The following UBE2R2 variants were observed in gnomAD, a reference collection of about 807,000 sequenced individuals.
UBE2R2 encodes the protein ubiquitin conjugating enzyme E2 R2, also known as ubiquitin-conjugating enzyme E2 R2.
In UBE2R2, 1 loss-of-function variant was observed where a neutral mutation model predicts 27.8. The ratio of observed to expected loss-of-function variants is 0.04; its 90% confidence interval spans 0.01 to 0.17. UBE2R2 has a LOEUF of 0.17. UBE2R2 is among the 10% of genes least tolerant of loss of function. The pLI, the probability that UBE2R2 is intolerant of heterozygous loss-of-function variation, is 1.00. For missense variants in UBE2R2, 100 were observed against 291.0 expected (o/e 0.34, Z 4.78); for synonymous variants, 106 against 113.3 (o/e 0.94, Z 0.41).
At chr9:33,848,524 CTT>C (rs1263407332) in intron 1 of UBE2R2, among the ~76,000 whole-genome samples, 4 of 152,054 alleles carry the variant, frequency 2.6e-5, no homozygotes, top group African/African-American at 9.7e-5. Context: ...TTTCAAAAGA[CTT>C]AGTATATCAC....
chr9:33,827,529 T>G (rs1820341646), intron 1 of UBE2R2, among the ~76,000 whole-genome samples: 1 of 151,870 alleles, frequency 6.6e-6, no homozygotes, highest in Non-Finnish European at 1.5e-5. Flanking sequence ...AAATCCCAGC[T>G]ACTTGGGAGG....
intron 1 of UBE2R2, among the ~76,000 whole-genome samples, chr9:33,885,780 T>A (rs1248018348): frequency 6.6e-6 from 1 of 152,168 alleles, no homozygotes; most frequent in East Asian, 1.9e-4. Flanking sequence ...ATTCTGAAAA[T>A]GATGCTTATA....
intron 1 of UBE2R2, among the ~76,000 whole-genome samples, chr9:33,846,238 C>G (rs532528530): frequency 2.6e-5 from 4 of 152,146 alleles, no homozygotes; most frequent in Admixed American, 6.6e-5. Context: ...AGAGGTTGCT[C>G]TGAGCCAAGA....
intron 1 of UBE2R2, among the ~76,000 whole-genome samples, chr9:33,835,011 G>A (rs10971729): frequency 0.14 from 20,716 of 151,988 alleles, 1,679 homozygotes; most frequent in South Asian, 0.33. Context: ...AGAGTAATGA[G>A]TATTTCCTTT....
chr9:33,917,281 A>C lies in UBE2R2; in HGVS notation c.*44A>C. On this transcript the variant is annotated 3_prime_UTR_variant, in exon 5 of 5. Coordinates refer to ENST00000263228, the MANE Select transcript of UBE2R2 (RefSeq NM_017811.4). ...CTGTACTGCCCTGCCATCTCAGGCC[A>C]AAGGGAGGGGAGCAAGTGGGGACCT... The C allele has an allele frequency of 6.2e-7, 1 of 1,607,180 alleles. No individual in the cohort carries two copies. Among genetic ancestry groups the C allele is most frequent in the Non-Finnish European group, 8.5e-7 (1 of 1,176,958 alleles).
chr9:33,849,551 C>G (rs1587443149), intron 1 of UBE2R2, among the ~76,000 whole-genome samples: 1 of 151,594 alleles, frequency 6.6e-6, no homozygotes, highest in Non-Finnish European at 1.5e-5. Flanking sequence ...TAATAACTGC[C>G]TCATAGGGTT....
Position 33,886,900 on chromosome 9 carries a change from T to C in UBE2R2, c.197T>C (p.Ile66Thr), listed in dbSNP as rs766028687. 4 of 1,592,820 alleles carry C rather than the reference T, an allele frequency of 2.5e-6. No individual in the cohort carries two copies. The highest frequency in any genetic ancestry group is 3.4e-6 in the Non-Finnish European group (4 of 1,175,324). Residue 66 changes from isoleucine (I) to threonine (T), a missense_variant, in exon 2 of 5, where the codon ATT (isoleucine) becomes ACT (threonine). Ile to Thr is a moderately conservative substitution (Grantham distance 89). This residue lies in a region of UBE2R2 where 43 missense variants were observed against 129.2 expected (regional missense o/e 0.33). Transcript: ENST00000263228. Reference protein sequence around the residue: ...GYFKAHIKFPIDYPYSPPTFR... With the variant: ...GYFKAHIKFPTDYPYSPPTFR... ...TTTCAGGCGCATATTAAATTTCCTA[T>C]TGACTACCCCTATTCACCACCTACC...
intron 3 of UBE2R2, among the ~76,000 whole-genome samples, chr9:33,907,894 T>G (rs1343322555): frequency 6.6e-6 from 1 of 152,266 alleles, no homozygotes; most frequent in Non-Finnish European, 1.5e-5. Flanking sequence ...AATGGCACGA[T>G]CTCGGCTCAT....
chr9:33,890,377 G>A (rs891406210), intron 2 of UBE2R2, among the ~76,000 whole-genome samples: 3 of 152,140 alleles, frequency 2.0e-5, no homozygotes, highest in Non-Finnish European at 2.9e-5. Flanking sequence ...GACCAGCCTG[G>A]TCAACATGGT....
intron 1 of UBE2R2, among the ~76,000 whole-genome samples, chr9:33,859,065 C>G (rs1821167374): frequency 6.6e-6 from 1 of 152,088 alleles, no homozygotes; most frequent in African/African-American, 2.4e-5. Context: ...ACCTCATGAT[C>G]CACCCACCTT....
chr9:33,900,185 A>G lies in UBE2R2; in HGVS notation c.276A>G (p.Val92=), dbSNP rs765049391. ...WHPNIYENGD[V]CISILHPPVD... ...TTTGTGTCTTGTAGAATGGAGATGT[A>G]TGCATTTCGATTCTTCATCCGCCTG... Residue 92 remains valine (V), a synonymous_variant, in exon 3 of 5, where the codon GTA becomes GTG. Transcript: ENST00000263228. 4.3e-6 allele frequency: 7 copies of G among 1,612,632 alleles called. No homozygotes were observed. In the South Asian group the frequency reaches 4.4e-5, roughly 10 times the overall value.
chr9:33,886,653 TAAAAAAAAAAA>T (rs11404304), intron 1 of UBE2R2, among the ~76,000 whole-genome samples: 11,809 of 118,748 alleles, frequency 0.099, 704 homozygotes, highest in Non-Finnish European at 0.13. Context: ...GACTCCGTCT[TAAAAAAAAAAA>T]AAAAAAAAAG....
intron 1 of UBE2R2, among the ~76,000 whole-genome samples, chr9:33,828,883 G>A (rs949821951): frequency 1.9e-4 from 29 of 152,132 alleles, no homozygotes; most frequent in African/African-American, 4.8e-4. Context: ...ATAGGCGCAC[G>A]CTGCCATGCC....
In UBE2R2 at chr9:33,862,268, A is replaced by C. The variant is rs1377940258; in HGVS notation, c.178-24613A>C. 1.3e-5 allele frequency among the ~76,000 whole-genome samples: 2 copies of C among 152,160 alleles called. 1 individual carries two copies. The highest frequency in any genetic ancestry group is 2.9e-5 in the Non-Finnish European group (2 of 68,024). ...CTTATTCTCTTTTGCCTTTGCCATC[A>C]TTATAACCTAGACTTTTGCTCCTTC... is the stretch of plus-strand genomic sequence containing the variant. On this transcript the variant is annotated intron_variant, in intron 1 of 4. Coordinates refer to ENST00000263228, the MANE Select transcript of UBE2R2 (RefSeq NM_017811.4).
chr9:33,904,751 T>TC (rs1195896943), intron 3 of UBE2R2, among the ~76,000 whole-genome samples: 4 of 151,954 alleles, frequency 2.6e-5, no homozygotes, highest in Admixed American at 6.6e-5. Context: ...CCAGCATACT[T>TC]CTTTTGAAAG....
intron 1 of UBE2R2, among the ~76,000 whole-genome samples, chr9:33,877,205 G>A (rs1263574245): frequency 1.4e-5 from 2 of 144,508 alleles, no homozygotes; most frequent in South Asian, 2.2e-4. Context: ...TTTTTGAGAC[G>A]GAGTCTCACT....
chr9:33,905,653 C>A (rs1822337828), intron 3 of UBE2R2, among the ~76,000 whole-genome samples: 2 of 152,158 alleles, frequency 1.3e-5, no homozygotes, highest in South Asian at 4.1e-4. Context: ...ATAATGTAAA[C>A]CCGTTAAGCT....
intron 1 of UBE2R2, among the ~76,000 whole-genome samples, chr9:33,859,118 C>T (rs147749596): frequency 1.6e-3 from 240 of 152,214 alleles, no homozygotes; most frequent in Non-Finnish European, 2.9e-3. Context: ...GCCACCATGT[C>T]CGGCCGGAAG....
chr9:33,895,635 G>A (rs1487281803), intron 2 of UBE2R2, among the ~76,000 whole-genome samples: 9 of 152,148 alleles, frequency 5.9e-5, no homozygotes, highest in African/African-American at 2.2e-4. Flanking sequence ...AGATCAAACT[G>A]GGGAATAGAA....
Sources: gnomAD v4.1 joint callset for allele counts (sites outside exome capture counted in the v4.1 genomes callset) on GRCh38, gnomAD v4.1.1 for gene constraint, gnomAD v4.1.1 regional missense constraint, MANE v1.5 for transcripts, NCBI Gene and HGNC (gene_info 2026-07-23, HGNC 2026-07-21) for gene names.